Variants in CSMD1 observed in about 807,000 individuals in gnomAD.
CSMD1 encodes the protein CUB and Sushi multiple domains 1.
Under a neutral mutation model 417.5 loss-of-function variants are expected in CSMD1, and 213 were observed. That is an observed-to-expected ratio of 0.51 (90% CI 0.46 to 0.57). CSMD1 has a LOEUF of 0.57. CSMD1 is among the 20% of genes least tolerant of loss of function. The pLI is 0.00. For missense variants in CSMD1, 6,923 were observed against 4,529.7 expected, an observed-to-expected ratio of 1.53 and a Z score of -15.17; for synonymous variants, 2,862 against 1,736.8, an observed-to-expected ratio of 1.65 and a Z score of -16.11.
Position 4,728,776 on chromosome 8 carries a change from G to C in CSMD1, c.86-91218C>G, listed in dbSNP as rs142798726. 2.0e-3 allele frequency among the ~76,000 whole-genome samples: 311 copies of C among 152,050 alleles called. 4 individuals carry two copies. The highest frequency in any genetic ancestry group is 7.3e-3 in the African/African-American group (304 of 41,474). On this transcript the variant is annotated intron_variant, in intron 1 of 69. Coordinates refer to ENST00000635120, the MANE Select transcript of CSMD1 (RefSeq NM_033225.6). ...TGTCTGCTGAAAAAAAAAATAACCAGATGTCTGCTGCCACCTAAAAAACTC... is the reference window on the plus strand; with the variant it reads ...TGTCTGCTGAAAAAAAAAATAACCACATGTCTGCTGCCACCTAAAAAACTC...
At chr8:3,476,030 A>G (rs1249272540) in intron 11 of CSMD1, among the ~76,000 whole-genome samples, 1 of 152,178 alleles carries the variant, frequency 6.6e-6, no homozygotes, top group African/African-American at 2.4e-5. Flanking sequence ...CAATAGTTCT[A>G]TTCTAATCTA....
chr8:3,079,707 G>A (rs186446847), intron 49 of CSMD1, among the ~76,000 whole-genome samples: 2 of 152,108 alleles, frequency 1.3e-5, no homozygotes, highest in Non-Finnish European at 2.9e-5. Flanking sequence ...CTCTCTGTGG[G>A]CAAACATCAT....
At chr8:4,964,821 C>T (rs189198879) in intron 1 of CSMD1, among the ~76,000 whole-genome samples, 293 of 152,260 alleles carry the variant, frequency 1.9e-3, no homozygotes, top group African/African-American at 6.7e-3. Flanking sequence ...CTGTTGTGCA[C>T]CCACGATGGA....
intron 36 of CSMD1, among the ~76,000 whole-genome samples, chr8:3,186,814 G>A (rs1382620908): frequency 6.6e-6 from 1 of 152,174 alleles, no homozygotes; most frequent in African/African-American, 2.4e-5. Flanking sequence ...CTGTCATCTT[G>A]GACAATTCTC....
intron 9 of CSMD1, among the ~76,000 whole-genome samples, chr8:3,580,851 C>A (rs887992355): frequency 2.0e-5 from 3 of 152,076 alleles, no homozygotes; most frequent in Admixed American, 6.6e-5. Flanking sequence ...GTCATTTCTA[C>A]AAGGGCAGAA....
Position 4,780,332 on chromosome 8 carries a change from A to G in CSMD1, c.86-142774T>C, listed in dbSNP as rs138041777. ...TAATGGGGCTTTGGCTCTACTGCATAATCTAGAACTAATTAGGACATTAAG... is the reference window on the plus strand; with the variant it reads ...TAATGGGGCTTTGGCTCTACTGCATGATCTAGAACTAATTAGGACATTAAG... On this transcript the variant is annotated intron_variant, in intron 1 of 69. Coordinates refer to ENST00000635120, the MANE Select transcript of CSMD1 (RefSeq NM_033225.6). Among the ~76,000 whole-genome samples, 872 of 152,292 alleles carry G rather than the reference A, an allele frequency of 5.7e-3. 5 individuals are homozygous for G. The highest frequency in any genetic ancestry group is 0.02 in the African/African-American group (838 of 41,558).
At chr8:3,771,831 A>C (rs74338343) in intron 5 of CSMD1, among the ~76,000 whole-genome samples, 1 of 152,114 alleles carries the variant, frequency 6.6e-6, no homozygotes, top group African/African-American at 2.4e-5. Flanking sequence ...GATCCGTTCA[A>C]TACATTCTCA....
intron 1 of CSMD1, among the ~76,000 whole-genome samples, chr8:4,967,252 G>C (rs1265217712): frequency 6.6e-6 from 1 of 152,144 alleles, no homozygotes; most frequent in Non-Finnish European, 1.5e-5. Flanking sequence ...ATAATACTTA[G>C]GTTGAGTTTT....
chr8:4,327,018 A>C (rs1799598818), intron 3 of CSMD1, among the ~76,000 whole-genome samples: 1 of 152,112 alleles, frequency 6.6e-6, no homozygotes, highest in Non-Finnish European at 1.5e-5. Context: ...GGAGAACCAG[A>C]CCACAGAAGG....
intron 2 of CSMD1, among the ~76,000 whole-genome samples, chr8:4,547,490 G>A (rs865897907): frequency 6.6e-6 from 1 of 152,090 alleles, no homozygotes; most frequent in South Asian, 2.1e-4. Flanking sequence ...CCACATTTCT[G>A]GCCTCTTTTT....
intron 1 of CSMD1, among the ~76,000 whole-genome samples, chr8:4,863,174 G>T (rs1410947985): frequency 6.6e-6 from 1 of 151,988 alleles, no homozygotes; most frequent in Non-Finnish European, 1.5e-5. Context: ...AATTGACAAG[G>T]TGCTTCATTT....
At chr8:4,384,995 C>T (rs1252728442) in intron 3 of CSMD1, among the ~76,000 whole-genome samples, 4 of 152,134 alleles carry the variant, frequency 2.6e-5, no homozygotes, top group Non-Finnish European at 4.4e-5. Flanking sequence ...ATCTCGATCT[C>T]GGCTCAATGC....
chr8:3,261,418 G>C (rs779268490), intron 26 of CSMD1, among the ~76,000 whole-genome samples: 1 of 152,118 alleles, frequency 6.6e-6, no homozygotes, highest in Non-Finnish European at 1.5e-5. Context: ...CAGTATATAC[G>C]GCTTGGGTGA....
chr8:4,280,042 T>C (rs1346175569), intron 3 of CSMD1, among the ~76,000 whole-genome samples: 2 of 152,252 alleles, frequency 1.3e-5, no homozygotes, highest in African/African-American at 2.4e-5. Flanking sequence ...CACAGTGAAC[T>C]CATAGCTAGA....
intron 22 of CSMD1, among the ~76,000 whole-genome samples, chr8:3,346,807 T>C (rs1259760916): frequency 6.6e-6 from 1 of 152,228 alleles, no homozygotes; most frequent in Non-Finnish European, 1.5e-5. Flanking sequence ...ATACTGAATC[T>C]AAAATGCATC....
At chr8:4,133,884 TAAGAAA>T (rs1803260846) in intron 3 of CSMD1, among the ~76,000 whole-genome samples, 1 of 152,208 alleles carries the variant, frequency 6.6e-6, no homozygotes, top group South Asian at 2.1e-4. Context: ...AAATTTTTTA[TAAGAAA>T]TCTTGTAAAC....
chr8:4,697,005 C>G (rs972458134), intron 1 of CSMD1, among the ~76,000 whole-genome samples: 1 of 152,012 alleles, frequency 6.6e-6, no homozygotes, highest in African/African-American at 2.4e-5. Context: ...AACCCTGTCT[C>G]TACTAAAAAT....
At chr8:3,284,389 C>T (rs759918774) in intron 25 of CSMD1, 43 bp from the exon 26 acceptor site, 35 of 1,458,178 alleles carry the variant, frequency 2.4e-5, no homozygotes, top group Non-Finnish European at 3.4e-5. Context: ...GTGCATCGAG[C>T]ATGTCCTGAC....
At chr8:3,896,158 A>T (rs1807347392) in intron 5 of CSMD1, among the ~76,000 whole-genome samples, 1 of 152,164 alleles carries the variant, frequency 6.6e-6, no homozygotes, top group Admixed American at 6.5e-5. Context: ...AGTCAATGTA[A>T]TGATTAAGAC....
Sources: gnomAD v4.1 joint callset for allele counts (sites outside exome capture counted in the v4.1 genomes callset) on GRCh38, gnomAD v4.1.1 for gene constraint, MANE v1.5 for transcripts, NCBI Gene and HGNC (gene_info 2026-07-23, HGNC 2026-07-21) for gene names.